CASTOR2: variants seen among roughly 807,000 people sequenced by gnomAD.
CASTOR2 encodes cytosolic arginine sensor for mTORC1 subunit 2, also known as GATS protein like 2.
A neutral mutation model predicts 31.2 loss-of-function variants in CASTOR2; 8 were observed. That is an observed-to-expected ratio of 0.26 (90% CI 0.15 to 0.46). The LOEUF (loss-of-function observed/expected upper bound fraction) is 0.46. Among genes scored for constraint, CASTOR2 ranks in the 20% least tolerant of loss-of-function variants. The probability of loss-of-function intolerance (pLI) is 0.99; values close to 1 mark genes in which losing one functional copy is unlikely to be tolerated. For missense variants in CASTOR2, 216 were observed against 382.1 expected (o/e 0.57, Z 3.62); for synonymous variants, 162 against 158.7 (o/e 1.02, Z -0.16).
Position 75,024,650 on chromosome 7 carries a change from T to G in CASTOR2, c.941T>G (p.Ile314Ser). ...CCTGCACAGGTCCCCGAAGAGAACA[T>G]CAATGGTGTCATCAGTGCCCTGAAG... ...FDHALVPEEN[I>S]NGVISALKVS... Residue 314 changes from isoleucine (I) to serine (S), a missense_variant, in exon 9 of 9, where the codon ATC becomes AGC. Ile to Ser is a moderately radical substitution (Grantham distance 142). Around this residue, in one of 5 missense-constraint regions of CASTOR2, gnomAD observed 31 missense variants for 32.7 expected, o/e 0.95. Coordinates refer to ENST00000616305, the MANE Select transcript of CASTOR2 (RefSeq NM_001145064.3). The G allele has an allele frequency of 6.4e-7, 1 of 1,551,412 alleles. No homozygotes were observed. The highest frequency in any genetic ancestry group is 2.4e-5 in the East Asian group (1 of 40,880).
intron 1 of CASTOR2, among the ~76,000 whole-genome samples, chr7:74,999,929 A>G (rs1804454665): frequency 6.6e-6 from 1 of 152,008 alleles, no homozygotes; most frequent in Non-Finnish European, 1.5e-5. Flanking sequence ...TGCGTGTTTT[A>G]AAAGGCCCCT....
At chr7:75,019,133 C>A in intron 5 of CASTOR2, 38 bp downstream of exon 5, 1 of 1,551,682 alleles carries the variant, frequency 6.4e-7, no homozygotes, top group Non-Finnish European at 8.7e-7. Flanking sequence ...GCAGGGTGGG[C>A]CAGGGAGAGG....
chr7:75,009,684 G>A (rs1804694197), intron 2 of CASTOR2, among the ~76,000 whole-genome samples: 1 of 151,852 alleles, frequency 6.6e-6, no homozygotes, highest in African/African-American at 2.4e-5. Flanking sequence ...CCCCATGTGT[G>A]TACAGCCACA....
intron 1 of CASTOR2, among the ~76,000 whole-genome samples, chr7:74,984,068 C>G (rs1188171410): frequency 4.6e-5 from 7 of 150,578 alleles, no homozygotes; most frequent in Admixed American, 2.0e-4. Flanking sequence ...CGTGAGCCAC[C>G]TCACCTGGCC....
Position 74,969,309 on chromosome 7 carries a change from GTCT to G in CASTOR2, c.113+4218_113+4220del, listed in dbSNP as rs1344856490. Among the ~76,000 whole-genome samples the G allele has an allele frequency of 6.2e-5, 7 of 112,228 alleles. No individual in the cohort carries two copies. The South Asian group carries it at 1.6e-3, about 26-fold the overall frequency. 73.6% of individuals were successfully genotyped at this position (112,228 alleles called of 152,430 possible). On this transcript the variant is annotated intron_variant, in intron 1 of 8. Transcript: ENST00000616305. ...TTTTTTTTTTTTTTTTGGAGATAGG[GTCT>G]TCTTCTGTCACCCAGGCCGGAGTGC...
At chr7:75,023,240 G>A (rs1455522685) in intron 7 of CASTOR2, among the ~76,000 whole-genome samples, 4 of 151,844 alleles carry the variant, frequency 2.6e-5, no homozygotes, top group Non-Finnish European at 4.4e-5. Context: ...CCTGGGAGGC[G>A]GAGCTTGCAG....
chr7:75,002,101 T>G (rs1804513266), intron 1 of CASTOR2, among the ~76,000 whole-genome samples: 1 of 151,918 alleles, frequency 6.6e-6, no homozygotes, highest in African/African-American at 2.4e-5. Flanking sequence ...ATTTTTTGAA[T>G]TTTTAGTAGA....
chr7:75,010,329 G>A (rs1280416867), intron 2 of CASTOR2, among the ~76,000 whole-genome samples: 391 of 152,254 alleles, frequency 2.6e-3, no homozygotes, highest in Non-Finnish European at 4.6e-3. Flanking sequence ...GGGGAAGACA[G>A]AGGTAGGCAG....
At position 75,025,021 on chromosome 7, in the gene CASTOR2, G is replaced by T. The variant is rs1205522315; in HGVS notation, c.*322G>T. Among the ~76,000 whole-genome samples the T allele has an allele frequency of 2.6e-5, 4 of 152,230 alleles. No homozygotes were observed. Among genetic ancestry groups the T allele is most frequent in the African/African-American group, 9.6e-5 (4 of 41,478 alleles). ...GCCTTCTCATCCGGCCTCACCCACGGCCAGGGGCAGATGCCGAGGGAAGCC... is the reference window on the plus strand; with the variant it reads ...GCCTTCTCATCCGGCCTCACCCACGTCCAGGGGCAGATGCCGAGGGAAGCC... On this transcript the variant is annotated 3_prime_UTR_variant, in exon 9 of 9. Transcript: ENST00000616305.
rs1805263553 is a variant in CASTOR2 at position 75,030,226 on chromosome 7, T to A, written c.*5527T>A. 1.3e-5 allele frequency among the ~76,000 whole-genome samples: 2 copies of A among 152,356 alleles called. No individual in the cohort carries two copies. Among genetic ancestry groups the A allele is most frequent in the South Asian group, 4.1e-4 (2 of 4,824 alleles). ...GTGTTTATGCACACGTTTGTGCATG[T>A]ACCTGTGAGCGTGGATGTGTTCCTA... On this transcript the variant is annotated 3_prime_UTR_variant, in exon 9 of 9. Transcript: ENST00000616305.
intron 1 of CASTOR2, among the ~76,000 whole-genome samples, chr7:75,006,046 C>G (rs1804598720): frequency 6.6e-6 from 1 of 152,220 alleles, no homozygotes; most frequent in South Asian, 2.1e-4. Context: ...AGGAAAATCA[C>G]TTGAACCTGG....
At chr7:75,016,510 G>A (rs1804867391) in intron 2 of CASTOR2, among the ~76,000 whole-genome samples, 1 of 152,174 alleles carries the variant, frequency 6.6e-6, no homozygotes, top group South Asian at 2.1e-4. Flanking sequence ...TTCTTCCAGA[G>A]AAGCCCAATG....
intron 2 of CASTOR2, among the ~76,000 whole-genome samples, chr7:75,008,509 A>G (rs1804654385): frequency 6.6e-6 from 1 of 151,942 alleles, no homozygotes; most frequent in South Asian, 2.1e-4. Context: ...CAGCCTGGGC[A>G]TAGTGAGACC....
intron 1 of CASTOR2, among the ~76,000 whole-genome samples, chr7:74,991,067 C>G (rs1804198568): frequency 9.6e-6 from 1 of 103,964 alleles, no homozygotes; most frequent in Non-Finnish European, 2.2e-5. Flanking sequence ...GAGCAAGACC[C>G]TGTCTGGAAA....
intron 1 of CASTOR2, among the ~76,000 whole-genome samples, chr7:74,983,588 G>C (rs1390319217): frequency 6.6e-6 from 1 of 151,538 alleles, no homozygotes; most frequent in Non-Finnish European, 1.5e-5. Flanking sequence ...GTGTGGGGTT[G>C]GCTGTGAGTC....
Position 75,026,212 on chromosome 7 carries a change from G to A in CASTOR2, c.*1513G>A, listed in dbSNP as rs1805128336. ...GGGTTTTTTTTTTTTTTTTTGAGAT[G>A]GGAGTCTGGCTCTGTTGCCTAGGCT... On this transcript the variant is annotated 3_prime_UTR_variant, in exon 9 of 9. Coordinates refer to ENST00000616305, the MANE Select transcript of CASTOR2 (RefSeq NM_001145064.3). Among the ~76,000 whole-genome samples, 2 of 82,456 alleles carry A rather than the reference G, an allele frequency of 2.4e-5. No homozygotes were observed. Among genetic ancestry groups the A allele is most frequent in the Admixed American group, 2.3e-4 (2 of 8,578 alleles). 54.1% of individuals were successfully genotyped at this position (82,456 alleles called of 152,430 possible).
intron 2 of CASTOR2, among the ~76,000 whole-genome samples, chr7:75,010,385 G>T (rs1219985049): frequency 6.6e-6 from 1 of 152,150 alleles, no homozygotes; most frequent in African/African-American, 2.4e-5. Context: ...GCCACTGAAG[G>T]TTGTTGGGCT....
chr7:75,003,294 AAATTAGCCGGCTGGGCTTGGGT>A (rs1804537178), intron 1 of CASTOR2, among the ~76,000 whole-genome samples: 2 of 152,072 alleles, frequency 1.3e-5, no homozygotes, highest in African/African-American at 4.8e-5. Context: ...AAAAAATAAA[AAATTAGCCGGCTGGGCTTGGGT>A]AATGCACGCC....
At chr7:75,019,773 C>T (rs1804950189) in intron 5 of CASTOR2, among the ~76,000 whole-genome samples, 1 of 152,246 alleles carries the variant, frequency 6.6e-6, no homozygotes, top group South Asian at 2.1e-4. Context: ...TGACAGTCAC[C>T]ACAGCCTGTG....
Sources: gnomAD v4.1 joint callset for allele counts (sites outside exome capture counted in the v4.1 genomes callset) on GRCh38, gnomAD v4.1.1 for gene constraint, gnomAD v4.1.1 regional missense constraint, MANE v1.5 for transcripts, NCBI Gene and HGNC (gene_info 2026-07-23, HGNC 2026-07-21) for gene names.